The following SLC25A12 variants were observed in gnomAD, a reference collection of about 807,000 sequenced individuals.
SLC25A12 encodes electrogenic aspartate/glutamate antiporter SLC25A12, mitochondrial.
In SLC25A12, 32 loss-of-function variants were observed where a neutral mutation model predicts 83.3. The ratio of observed to expected loss-of-function variants is 0.38; its 90% CI spans 0.29 to 0.52. SLC25A12 has a LOEUF of 0.52. Ranked by LOEUF, SLC25A12 falls within the 20% of genes least tolerant of loss-of-function variation. The pLI, the probability that SLC25A12 is intolerant of heterozygous loss-of-function variation, is 0.84. For missense variants in SLC25A12, 611 were observed against 835.6 expected (o/e 0.73, Z 3.31); for synonymous variants, 267 against 291.1 (o/e 0.92, Z 0.84).
At chr2:171,865,427 G>A (rs758057499) in intron 3 of SLC25A12, among the ~76,000 whole-genome samples, 32 of 152,070 alleles carry the variant, frequency 2.1e-4, no homozygotes, top group African/African-American at 7.0e-4. Flanking sequence ...TTGGGAGGCC[G>A]AGGCAGGCAG....
rs768002054 is a variant in SLC25A12, at chr2:171,868,756, C to G, written c.134G>C (p.Gly45Ala). 1 of 1,613,734 alleles carries G rather than the reference C, an allele frequency of 6.2e-7. No homozygotes were observed. Among genetic ancestry groups the G allele is most frequent in the South Asian group, 1.1e-5 (1 of 91,078 alleles). The change falls in exon 3 of 18, where the codon GGA (glycine) becomes GCA (alanine). Residue 45 changes from glycine to alanine, a missense_variant. Transcript: ENST00000422440. Reference sequence around the variant, plus strand: ...GTTACTATTTGGATCATTATACAGTCCAAGATAGCGCTGAACAAAGTCTTC... The same window carrying G: ...GTTACTATTTGGATCATTATACAGTGCAAGATAGCGCTGAACAAAGTCTTC... ...TPEDFVQRYL[G>A]LYNDPNSNPK...
intron 2 of SLC25A12, among the ~76,000 whole-genome samples, chr2:171,873,907 T>C (rs1004892842): frequency 2.0e-5 from 3 of 152,100 alleles, no homozygotes; most frequent in Admixed American, 6.6e-5. Context: ...TACACACAAG[T>C]ATACATTATA....
At chr2:171,887,620 A>G (rs567341372) in intron 2 of SLC25A12, among the ~76,000 whole-genome samples, 2 of 152,320 alleles carry the variant, frequency 1.3e-5, no homozygotes, top group Admixed American at 1.3e-4. Flanking sequence ...CACTGCTTCT[A>G]TTGTCTCCTT....
At chr2:171,865,611 A>T (rs906818148) in intron 3 of SLC25A12, among the ~76,000 whole-genome samples, 1 of 151,974 alleles carries the variant, frequency 6.6e-6, no homozygotes, top group Non-Finnish European at 1.5e-5. Flanking sequence ...CAGTGAGCTG[A>T]GATCATGCCA....
At chr2:171,838,160 G>C (rs1387151914) in intron 5 of SLC25A12, among the ~76,000 whole-genome samples, 1 of 152,068 alleles carries the variant, frequency 6.6e-6, no homozygotes, top group African/African-American at 2.4e-5. Context: ...TCATATCTAA[G>C]TATATACATA....
At chr2:171,873,717 TA>T (rs1685504971) in intron 2 of SLC25A12, among the ~76,000 whole-genome samples, 1 of 151,986 alleles carries the variant, frequency 6.6e-6, no homozygotes, top group South Asian at 2.1e-4. Flanking sequence ...GTTTTATCCA[TA>T]AACAAGTAAA....
At chr2:171,815,876 GAATA>G (rs1574693046) in intron 9 of SLC25A12, among the ~76,000 whole-genome samples, 1 of 151,708 alleles carries the variant, frequency 6.6e-6, no homozygotes, top group African/African-American at 2.4e-5. Context: ...TGAAATGACA[GAATA>G]AACTAAATAA....
intron 3 of SLC25A12, among the ~76,000 whole-genome samples, chr2:171,860,749 T>C (rs1242759833): frequency 6.6e-6 from 1 of 151,688 alleles, no homozygotes; most frequent in Non-Finnish European, 1.5e-5. Context: ...GATAGAGGGA[T>C]GGATGGATAT....
intron 13 of SLC25A12, among the ~76,000 whole-genome samples, chr2:171,797,544 C>G (rs1004721237): frequency 6.6e-5 from 10 of 152,282 alleles, no homozygotes; most frequent in African/African-American, 2.2e-4. Flanking sequence ...AATGTATTAA[C>G]TACGCAACAA....
chr2:171,867,724 T>C (rs1052106201), intron 3 of SLC25A12, among the ~76,000 whole-genome samples: 1 of 152,244 alleles, frequency 6.6e-6, no homozygotes, highest in Non-Finnish European at 1.5e-5. Flanking sequence ...CCCTACAAGA[T>C]GCTTTAAATA....
chr2:171,848,373 T>C, intron 4 of SLC25A12: 3 of 442,764 alleles, frequency 6.8e-6, no homozygotes, highest in Non-Finnish European at 1.4e-5. Flanking sequence ...CAGGAGCCAC[T>C]ACAACCAACT....
intron 9 of SLC25A12, among the ~76,000 whole-genome samples, chr2:171,826,100 T>C (rs1405823982): frequency 6.6e-6 from 1 of 152,214 alleles, no homozygotes; most frequent in Non-Finnish European, 1.5e-5. Flanking sequence ...ATTTATTTAA[T>C]TTGAGGGAAG....
chr2:171,856,786 A>T (rs940807367), intron 3 of SLC25A12: 5 of 152,166 alleles, frequency 3.3e-5, no homozygotes, highest in African/African-American at 1.2e-4. Flanking sequence ...TTTACAAGAT[A>T]ATCCGGGAAA....
At chr2:171,878,394 G>C (rs1249642860) in intron 2 of SLC25A12, among the ~76,000 whole-genome samples, 1 of 143,130 alleles carries the variant, frequency 7.0e-6, no homozygotes, top group African/African-American at 2.4e-5. Flanking sequence ...ACTTGAAATA[G>C]TTACTGTAAA....
At chr2:171,870,554 G>A (rs1265394597) in intron 2 of SLC25A12, among the ~76,000 whole-genome samples, 1 of 152,092 alleles carries the variant, frequency 6.6e-6, no homozygotes, top group African/African-American at 2.4e-5. Flanking sequence ...CTAGGAGGTG[G>A]AGGTTGCAGT....
intron 11 of SLC25A12, 64 bp downstream of exon 11, chr2:171,813,275 A>C: frequency 6.4e-7 from 1 of 1,555,598 alleles, no homozygotes; most frequent in Non-Finnish European, 8.9e-7. Flanking sequence ...ATAATTAGTG[A>C]GTTAAAATCT....
intron 17 of SLC25A12, among the ~76,000 whole-genome samples, chr2:171,786,339 G>C (rs34663530): frequency 7.1e-6 from 1 of 141,404 alleles, no homozygotes; most frequent in Non-Finnish European, 1.5e-5. Context: ...AGCCGAGATC[G>C]TACCACTGCA....
At chr2:171,843,272 C>T (rs1191195030) in intron 5 of SLC25A12, among the ~76,000 whole-genome samples, 1 of 152,026 alleles carries the variant, frequency 6.6e-6, no homozygotes, top group Non-Finnish European at 1.5e-5. Context: ...ATAATTGGGC[C>T]AAGGTTTGAG....
intron 2 of SLC25A12, chr2:171,871,612 G>A (rs897934425): frequency 1.9e-6 from 1 of 539,008 alleles, no homozygotes; most frequent in African/African-American, 2.1e-5. Flanking sequence ...GAGCCACCGT[G>A]CCGGGCCCTC....
Sources: gnomAD v4.1 joint callset for allele counts (sites outside exome capture counted in the v4.1 genomes callset) on GRCh38, gnomAD v4.1.1 for gene constraint, MANE v1.5 for transcripts, NCBI Gene and HGNC (gene_info 2026-07-23, HGNC 2026-07-21) for gene names.